MTHFD2L: variants seen among roughly 807,000 people sequenced by gnomAD.
The protein encoded by MTHFD2L is bifunctional methylenetetrahydrofolate dehydrogenase/cyclohydrolase 2, mitochondrial.
MTHFD2L carries 29 observed loss-of-function variants against 34.9 expected under a neutral mutation model. That is an observed-to-expected ratio of 0.83 (90% CI 0.62 to 1.13). The LOEUF is 1.13. Ranked by LOEUF, MTHFD2L falls within the 50% of genes most tolerant of loss-of-function variation. MTHFD2L has a pLI of 0.00. For missense variants in MTHFD2L, 481 were observed against 446.5 expected, an observed-to-expected ratio of 1.08 and a Z score of -0.70; for synonymous variants, 167 against 155.7, an observed-to-expected ratio of 1.07 and a Z score of -0.54.
intron 2 of MTHFD2L, 74 bp from the exon 3 acceptor site, chr4:74,175,201 TCCCACA>T: frequency 6.8e-7 from 1 of 1,477,014 alleles, no homozygotes; most frequent in Non-Finnish European, 9.3e-7. Context: ...GTAGGAACAG[TCCCACA>T]CTGTGTCAGA....
At chr4:74,274,023 C>CT (rs1746315447) in intron 6 of MTHFD2L, among the ~76,000 whole-genome samples, 104 of 141,998 alleles carry the variant, frequency 7.3e-4, no homozygotes, top group African/African-American at 2.7e-3. Flanking sequence ...TTTTTTTTTT[C>CT]TTTTTTCAAG....
chr4:74,213,619 C>T (rs1736706182), intron 5 of MTHFD2L, among the ~76,000 whole-genome samples: 1 of 152,176 alleles, frequency 6.6e-6, no homozygotes, highest in African/African-American at 2.4e-5. Flanking sequence ...CCTGACCTTT[C>T]TCTCTGGCTG....
chr4:74,216,412 T>C (rs1466607974), intron 5 of MTHFD2L, among the ~76,000 whole-genome samples: 1 of 151,860 alleles, frequency 6.6e-6, no homozygotes, highest in Admixed American at 6.6e-5. Context: ...TCAGCAAGTA[T>C]ATTTTAGAAG....
intron 6 of MTHFD2L, among the ~76,000 whole-genome samples, chr4:74,231,609 C>G (rs997104305): frequency 6.6e-6 from 1 of 152,112 alleles, no homozygotes; most frequent in Non-Finnish European, 1.5e-5. Flanking sequence ...TCATTATTTT[C>G]ATGGTACAGA....
At chr4:74,261,103 A>G (rs922772268) in intron 6 of MTHFD2L, among the ~76,000 whole-genome samples, 17 of 152,008 alleles carry the variant, frequency 1.1e-4, no homozygotes, top group African/African-American at 4.1e-4. Context: ...TATTACTTAT[A>G]TTTTCCAGCA....
chr4:74,225,127 A>G (rs1479319710), intron 5 of MTHFD2L, among the ~76,000 whole-genome samples, 175 bp from the exon 6 acceptor site: 1 of 152,156 alleles, frequency 6.6e-6, no homozygotes, highest in Non-Finnish European at 1.5e-5. Context: ...ATTGAAGGGT[A>G]CAATATTTTG....
At chr4:74,267,329 T>G in intron 6 of MTHFD2L, 1 of 713,732 alleles carries the variant, frequency 1.4e-6, no homozygotes, top group Non-Finnish European at 1.7e-6. Flanking sequence ...CTTTCTCTCT[T>G]TCTTTCTTCC....
chr4:74,294,554 T>C (rs1229398286), intron 7 of MTHFD2L, among the ~76,000 whole-genome samples: 3 of 152,118 alleles, frequency 2.0e-5, no homozygotes, highest in Non-Finnish European at 4.4e-5. Flanking sequence ...GGCATTTTAG[T>C]GTCCTTTATG....
At chr4:74,296,224 A>G (rs1330229324) in intron 7 of MTHFD2L, among the ~76,000 whole-genome samples, 4 of 152,160 alleles carry the variant, frequency 2.6e-5, no homozygotes, top group African/African-American at 9.7e-5. Context: ...CATAACAAAG[A>G]ATTTATATTT....
chr4:74,247,676 G>A (rs921145211), intron 6 of MTHFD2L, among the ~76,000 whole-genome samples: 4 of 152,158 alleles, frequency 2.6e-5, no homozygotes, highest in African/African-American at 9.7e-5. Flanking sequence ...TTTATTGAGA[G>A]TTTTTAGCAT....
chr4:74,162,104 T>G (rs1414239385), intron 1 of MTHFD2L: 1 of 152,198 alleles, frequency 6.6e-6, no homozygotes, highest in East Asian at 1.9e-4. Flanking sequence ...AACAGTAGTG[T>G]TAAAGAATTC....
intron 3 of MTHFD2L, among the ~76,000 whole-genome samples, chr4:74,192,959 A>G (rs950617389): frequency 6.6e-6 from 1 of 151,884 alleles, no homozygotes; most frequent in African/African-American, 2.4e-5. Context: ...CTTAAGTTTA[A>G]TTGGTGGTAT....
chr4:74,266,827 G>GA (rs1226040564), intron 6 of MTHFD2L: 8 of 984,714 alleles, frequency 8.1e-6, no homozygotes, highest in African/African-American at 3.5e-5. Flanking sequence ...TAGGAGAAGG[G>GA]AAAATCTAAG....
intron 6 of MTHFD2L, among the ~76,000 whole-genome samples, chr4:74,256,716 A>G (rs1560536117): frequency 6.6e-6 from 1 of 152,170 alleles, no homozygotes; most frequent in South Asian, 2.1e-4. Flanking sequence ...AATGATTGTC[A>G]GTGGGGAAAC....
At chr4:74,236,105 AT>A (rs1204643949) in intron 6 of MTHFD2L, among the ~76,000 whole-genome samples, 6 of 152,142 alleles carry the variant, frequency 3.9e-5, no homozygotes, top group African/African-American at 1.4e-4. Flanking sequence ...TGCATACTGG[AT>A]TTATTGTGAC....
chr4:74,119,512 G>A (rs891995378), upstream of MTHFD2L, among the ~76,000 whole-genome samples: 4 of 152,124 alleles, frequency 2.6e-5, no homozygotes, highest in South Asian at 2.1e-4. Flanking sequence ...GGCCGGGCGC[G>A]GTGGCTCATG....
At chr4:74,142,081 T>C (rs1723304197) in intron 1 of MTHFD2L, among the ~76,000 whole-genome samples, 2 of 152,190 alleles carry the variant, frequency 1.3e-5, no homozygotes, top group Admixed American at 1.3e-4. Flanking sequence ...GATTCTCCTA[T>C]GAAAAACTCA....
chr4:74,266,110 C>G lies in MTHFD2L; in HGVS notation c.806-15315C>G, dbSNP rs542152900. Reference sequence around the variant, plus strand: ...ATCCATTAAGCACTCCTTTCTCAAACTTTATTGACTTTTTCATTACAACCT... The same window carrying G: ...ATCCATTAAGCACTCCTTTCTCAAAGTTTATTGACTTTTTCATTACAACCT... On this transcript the variant is annotated intron_variant, in intron 6 of 7. Coordinates refer to ENST00000325278, the MANE Select transcript of MTHFD2L (RefSeq NM_001144978.3). 3.3e-5 allele frequency among the ~76,000 whole-genome samples: 5 copies of G among 152,316 alleles called. No individual in the cohort carries two copies. In the South Asian group the frequency reaches 6.2e-4, roughly 19 times the overall value.
chr4:74,200,375 G>A (rs1232270581), intron 4 of MTHFD2L, among the ~76,000 whole-genome samples: 1 of 151,956 alleles, frequency 6.6e-6, no homozygotes, highest in Non-Finnish European at 1.5e-5. Context: ...GAAACGAAGA[G>A]CATTAGCCAG....
Sources: allele counts gnomAD v4.1 joint callset (sites outside exome capture counted in the v4.1 genomes callset), GRCh38; gene constraint gnomAD v4.1.1; transcripts MANE v1.5; gene names NCBI Gene and HGNC (gene_info 2026-07-23, HGNC 2026-07-21).